The following TCF12 variants were observed in gnomAD, a reference collection of about 807,000 sequenced individuals.
The protein encoded by TCF12 is DNA-binding protein HTF4.
TCF12 carries 45 observed loss-of-function variants against 86.0 expected under a neutral mutation model. The observed-to-expected ratio is 0.52, with a 90% CI of 0.41 to 0.67. The LOEUF is 0.67. Ranked by LOEUF, TCF12 falls within the 30% of genes least tolerant of loss-of-function variation. The probability of loss-of-function intolerance (pLI) is 0.00; values close to 1 mark genes in which losing one functional copy is unlikely to be tolerated. For missense variants in TCF12, 881 were observed against 859.9 expected (o/e 1.02, Z -0.31); for synonymous variants, 330 against 299.6 (o/e 1.10, Z -1.05).
At chr15:56,920,721 G>C (rs560412330) in intron 2 of TCF12, among the ~76,000 whole-genome samples, 1 of 152,204 alleles carries the variant, frequency 6.6e-6, no homozygotes, top group East Asian at 1.9e-4. Context: ...TAATGTAAAT[G>C]TAATGAAATT....
chr15:57,152,021 A>T (rs77095313), intron 5 of TCF12, among the ~76,000 whole-genome samples: 1 of 152,144 alleles, frequency 6.6e-6, no homozygotes, highest in Non-Finnish European at 1.5e-5. Flanking sequence ...ACTAACAGAA[A>T]AGTTTTACAG....
intron 4 of TCF12, among the ~76,000 whole-genome samples, chr15:57,087,740 A>G (rs1349320949): frequency 6.6e-6 from 1 of 152,180 alleles, no homozygotes; most frequent in Non-Finnish European, 1.5e-5. Flanking sequence ...ATCAATTATT[A>G]ATATCTTGAG....
intron 3 of TCF12, among the ~76,000 whole-genome samples, chr15:56,996,821 C>T (rs1438091928): frequency 6.6e-6 from 1 of 152,124 alleles, no homozygotes; most frequent in African/African-American, 2.4e-5. Flanking sequence ...AGGACATGAA[C>T]AGACACTTCT....
At chr15:57,208,380 CTT>C (rs1184422578) in intron 8 of TCF12, among the ~76,000 whole-genome samples, 9 of 65,616 alleles carry the variant, frequency 1.4e-4, no homozygotes, top group Admixed American at 7.9e-4. Context: ...CAAAAATATC[CTT>C]TTTTTTTTTT....
chr15:57,004,207 A>G (rs2064212231), intron 3 of TCF12, among the ~76,000 whole-genome samples: 1 of 151,502 alleles, frequency 6.6e-6, no homozygotes, highest in African/African-American at 2.4e-5. Flanking sequence ...ACCTAAACGT[A>G]GGTCTTAACA....
At chr15:57,214,416 T>C (rs1393496479) in intron 8 of TCF12, 2 of 152,224 alleles carry the variant, frequency 1.3e-5, no homozygotes, top group African/African-American at 4.8e-5. Context: ...TTTTTACATA[T>C]CCTCATTATA....
intron 5 of TCF12, among the ~76,000 whole-genome samples, chr15:57,161,263 C>A (rs2054488208): frequency 6.6e-6 from 1 of 152,158 alleles, no homozygotes; most frequent in Non-Finnish European, 1.5e-5. Context: ...TGGTAGAGAG[C>A]AAGATAACTT....
rs199675914 is a variant in TCF12, at chr15:56,990,251, G to GTC, written c.148+69154_148+69155insCT. On this transcript the variant is annotated intron_variant, in intron 3 of 20. Transcript: ENST00000333725. The stretch of plus-strand genomic sequence containing the variant: ...ATCGTGTGTGTGTGTCTGTGTGTGC[G>GTC]TGTGCGTGTGTGTGTGTGTGTGAAA... Among the ~76,000 whole-genome samples, 122 of 132,912 alleles carry GTC rather than the reference G, an allele frequency of 9.2e-4. 1 individual carries two copies. Among genetic ancestry groups the GTC allele is most frequent in the Admixed American group, 3.2e-3 (43 of 13,430 alleles). The allele number at this position is 132,912 out of a possible 152,430, so 87.2% of individuals were successfully genotyped here.
chr15:57,058,359 A>G (rs1230081661), intron 3 of TCF12, among the ~76,000 whole-genome samples: 1 of 152,214 alleles, frequency 6.6e-6, no homozygotes, highest in African/African-American at 2.4e-5. Context: ...AGCAAAATCT[A>G]TGTATGAAAG....
chr15:57,127,096 C>T (rs1171586420), intron 5 of TCF12, among the ~76,000 whole-genome samples: 4 of 151,714 alleles, frequency 2.6e-5, no homozygotes, highest in Admixed American at 2.6e-4. Flanking sequence ...AATTCTCCTC[C>T]CTTAGCCTCC....
intron 6 of TCF12, among the ~76,000 whole-genome samples, chr15:57,184,529 A>C (rs1323726914): frequency 1.3e-5 from 2 of 152,192 alleles, no homozygotes; most frequent in Non-Finnish European, 2.9e-5. Flanking sequence ...AATGCAGATG[A>C]AGTAATAAAT....
intron 5 of TCF12, chr15:57,118,283 G>C (rs2050981995): frequency 6.6e-6 from 1 of 152,174 alleles, no homozygotes; most frequent in South Asian, 2.1e-4. Flanking sequence ...GATTCATTAG[G>C]AAAGAATTTT....
intron 6 of TCF12, among the ~76,000 whole-genome samples, chr15:57,182,931 G>C (rs1197875503): frequency 1.3e-5 from 2 of 152,100 alleles, no homozygotes; most frequent in Admixed American, 1.3e-4. Context: ...TAGAAATGAT[G>C]CATGTTCCCG....
At chr15:56,918,475 C>G (rs572628686), upstream of TCF12, 30 of 323,280 alleles carry the variant, frequency 9.3e-5, no homozygotes, top group Middle Eastern at 1.1e-3. Context: ...CCAACTCCGT[C>G]CCGCCTCACC....
chr15:57,255,915 G>A (rs1023060078), intron 16 of TCF12, among the ~76,000 whole-genome samples: 5 of 152,344 alleles, frequency 3.3e-5, no homozygotes, highest in Admixed American at 3.3e-4. Flanking sequence ...CTGTTGTTCA[G>A]TGTGTCTGTC....
chr15:57,166,137 G>T (rs752630217), intron 5 of TCF12, among the ~76,000 whole-genome samples: 16 of 151,482 alleles, frequency 1.1e-4, no homozygotes, highest in South Asian at 2.1e-4. Flanking sequence ...CGCTAGTCTT[G>T]AGCTACTGGA....
At chr15:57,136,123 A>G (rs1487965046) in intron 5 of TCF12, among the ~76,000 whole-genome samples, 3 of 152,230 alleles carry the variant, frequency 2.0e-5, no homozygotes, top group African/African-American at 2.4e-5. Flanking sequence ...GATCTATACT[A>G]TTGATCTGCA....
chr15:57,192,843 G>A (rs1465059292), intron 7 of TCF12, among the ~76,000 whole-genome samples: 1 of 152,122 alleles, frequency 6.6e-6, no homozygotes, highest in East Asian at 1.9e-4. Context: ...TTTAATGAAA[G>A]GTTTGGCCAT....
In TCF12 at chr15:56,962,420, G is replaced by A. The variant is rs1189780390; in HGVS notation, c.148+41322G>A. On this transcript the variant is annotated intron_variant, in intron 3 of 20. Transcript: ENST00000333725. ...TTTTTTTTGTTCTTAGTCGCCTTTAGTCTTTAGAGTTACTGATCTTCAATT... is the reference window on the plus strand; with the variant it reads ...TTTTTTTTGTTCTTAGTCGCCTTTAATCTTTAGAGTTACTGATCTTCAATT... Among the ~76,000 whole-genome samples the A allele has an allele frequency of 3.3e-5, 5 of 152,060 alleles. 1 individual carries two copies. Among genetic ancestry groups the A allele is most frequent in the African/African-American group, 1.2e-4 (5 of 41,396 alleles).
Sources: allele counts gnomAD v4.1 joint callset (sites outside exome capture counted in the v4.1 genomes callset), GRCh38; gene constraint gnomAD v4.1.1; transcripts MANE v1.5; gene names NCBI Gene and HGNC (gene_info 2026-07-23, HGNC 2026-07-21).